PRDM11: variants seen among roughly 807,000 people sequenced by gnomAD.
PRDM11 encodes the protein PR/SET domain 11, also known as PR domain-containing protein 11.
Under a neutral mutation model 97.8 loss-of-function variants are expected in PRDM11, and 20 were observed. The ratio of observed to expected loss-of-function variants is 0.20; its 90% CI spans 0.14 to 0.30. PRDM11 has a LOEUF of 0.30. PRDM11 is among the 10% of genes least tolerant of loss of function. The pLI is 1.00. For missense variants in PRDM11, 1,139 were observed against 1,555.2 expected, an observed-to-expected ratio of 0.73 and a Z score of 4.50; for synonymous variants, 599 against 637.7, an observed-to-expected ratio of 0.94 and a Z score of 0.91.
intron 5 of PRDM11, among the ~76,000 whole-genome samples, chr11:45,218,675 C>T (rs1274606056): frequency 2.0e-5 from 3 of 152,244 alleles, no homozygotes; most frequent in Non-Finnish European, 2.9e-5. Context: ...CTTCACTCCT[C>T]GGCAGGTGTT....
intron 5 of PRDM11, chr11:45,209,052 G>A (rs1355433318): frequency 2.6e-5 from 12 of 456,546 alleles, no homozygotes; most frequent in African/African-American, 4.0e-5. Flanking sequence ...AATCACCTCC[G>A]TCAGCCAGGT....
rs960186959 is a variant in PRDM11, at chr11:45,228,180, C to T, written c.*21C>T. The T allele has an allele frequency of 6.8e-7, 1 of 1,462,756 alleles. No homozygotes were observed. The highest frequency in any genetic ancestry group is 9.0e-7 in the Non-Finnish European group (1 of 1,113,532). 90.6% of individuals were successfully genotyped at this position (1,462,756 alleles called of 1,614,324 possible). A position where few individuals can be genotyped will look rare whatever the true frequency, so the allele number is the denominator to read the frequency against. Reference sequence around the variant, plus strand: ...TTTAGGGAGCTGGCGCTGCAGAGTTCACTAAGCTGTTGAATATTTTTTTAA... The same window carrying T: ...TTTAGGGAGCTGGCGCTGCAGAGTTTACTAAGCTGTTGAATATTTTTTTAA... On this transcript the variant is annotated 3_prime_UTR_variant, in exon 8 of 8. Transcript: ENST00000683152.
At chr11:45,199,291 C>T (rs536648255) in intron 4 of PRDM11, among the ~76,000 whole-genome samples, 15 of 152,308 alleles carry the variant, frequency 9.8e-5, no homozygotes, top group Non-Finnish European at 2.1e-4. Context: ...TTGAACACTC[C>T]CATTAACAGG....
chr11:45,194,242 T>A lies in PRDM11; in HGVS notation c.487-10469T>A, dbSNP rs546212218. Among the ~76,000 whole-genome samples, 6 of 152,334 alleles carry A rather than the reference T, an allele frequency of 3.9e-5. No individual in the cohort carries two copies. The South Asian group carries it at 6.2e-4, about 16-fold the overall frequency. On this transcript the variant is annotated intron_variant, in intron 4 of 7. Transcript: ENST00000683152. ...GAGGATTCCCGCATATTGATTTTTT[T>A]AAATGAAAACATGGAATTAAAAATT...
intron 6 of PRDM11, among the ~76,000 whole-genome samples, chr11:45,221,689 C>A (rs903361592): frequency 6.6e-6 from 1 of 151,916 alleles, no homozygotes; most frequent in Non-Finnish European, 1.5e-5. Flanking sequence ...GGAGATACAC[C>A]GAGACATATG....
In PRDM11 at chr11:45,224,223, A is replaced by G; in HGVS notation, c.749A>G (p.Lys250Arg). ...TIHRNLARGE[K>R]RLQREKSEQV... ...CCCTGGTTTTCCTTCCTAGGAGAGA[A>G]GAGGTTGCAGAGGGAGAAGTCTGAG... Residue 250 changes from lysine (K) to arginine (R), a missense_variant, in exon 7 of 8, where the codon AAG (lysine) becomes AGG (arginine). Lys to Arg is a conservative substitution (Grantham distance 26, BLOSUM62 2). Coordinates refer to ENST00000683152, the MANE Select transcript of PRDM11 (RefSeq NM_001384648.1). The G allele has an allele frequency of 6.3e-7, 1 of 1,579,468 alleles. No individual in the cohort carries two copies. The highest frequency in any genetic ancestry group is 8.6e-7 in the Non-Finnish European group (1 of 1,165,822).
intron 1 of PRDM11, among the ~76,000 whole-genome samples, chr11:45,096,248 T>C (rs1252390094): frequency 6.6e-6 from 1 of 152,230 alleles, no homozygotes; most frequent in Non-Finnish European, 1.5e-5. Context: ...TGGCACATAG[T>C]AAATGCTCAA....
chr11:45,224,786 G>A lies in PRDM11; in HGVS notation c.1312G>A (p.Glu438Lys). ...CATGCTTAAGTCTGGGAAACTTCCT[G>A]AGCCCCCCGTATTGCCACCACAGGT... The part of the protein sequence containing the change: ...LDMLKSGKLP[E>K]PPVLPPQVLE... The change falls in exon 7 of 8, where the codon GAG becomes AAG. Residue 438 changes from glutamate (E) to lysine (K), a missense_variant. By Grantham distance (56) the Glu-to-Lys change is moderately conservative. Around this residue, in one of 2 missense-constraint regions of PRDM11, gnomAD observed 710 missense variants for 1,044.9 expected, o/e 0.68. Coordinates refer to ENST00000683152, the MANE Select transcript of PRDM11 (RefSeq NM_001384648.1). 1 of 1,614,180 alleles carries A rather than the reference G, an allele frequency of 6.2e-7. No homozygotes were observed.
Position 45,166,780 on chromosome 11 carries a change from G to A in PRDM11, c.-6-14981G>A, listed in dbSNP as rs75351041. On this transcript the variant is annotated intron_variant, in intron 1 of 7. Coordinates refer to ENST00000683152, the MANE Select transcript of PRDM11 (RefSeq NM_001384648.1). ...TCCACCTCCTTCCTGGAGGACTTCC[G>A]CCTTCTGAGCTGCACCTGCCTTCCT... Among the ~76,000 whole-genome samples the A allele has an allele frequency of 8.5e-3, 1,293 of 152,302 alleles. 20 individuals are homozygous for A. The highest frequency in any genetic ancestry group is 0.028 in the African/African-American group (1,174 of 41,560).
In PRDM11 at chr11:45,233,241, C is replaced by T. The variant is rs967802497; in HGVS notation, c.*5082C>T. ...GGAGCACGGCCTTCGGAGAGGGAGCCGGGGAAGGCCAGCAGGCAGGGTTGG... is the reference window on the plus strand; with the variant it reads ...GGAGCACGGCCTTCGGAGAGGGAGCTGGGGAAGGCCAGCAGGCAGGGTTGG... On this transcript the variant is annotated 3_prime_UTR_variant, in exon 8 of 8. Coordinates refer to ENST00000683152, the MANE Select transcript of PRDM11 (RefSeq NM_001384648.1). The T allele has an allele frequency of 2.6e-5, 4 of 152,272 alleles. No homozygotes were observed. Among genetic ancestry groups the T allele is most frequent in the African/African-American group, 9.7e-5 (4 of 41,440 alleles). The allele number at this position is 152,272 out of a possible 1,614,324, so 9.4% of individuals were successfully genotyped here. A position where few individuals can be genotyped will look rare whatever the true frequency, so the allele number is the denominator to read the frequency against.
At chr11:45,151,953 C>T (rs1401382861) in intron 1 of PRDM11, among the ~76,000 whole-genome samples, 1 of 152,146 alleles carries the variant, frequency 6.6e-6, no homozygotes, top group Non-Finnish European at 1.5e-5. Context: ...TAATCCTGGT[C>T]CTCGGCATTG....
chr11:45,118,168 G>C (rs1411389334), intron 1 of PRDM11, among the ~76,000 whole-genome samples: 1 of 152,142 alleles, frequency 6.6e-6, no homozygotes, highest in Admixed American at 6.5e-5. Flanking sequence ...GGATCTTAAA[G>C]AGACTTGACA....
chr11:45,185,586 A>G (rs189822803), intron 4 of PRDM11, among the ~76,000 whole-genome samples: 2 of 152,254 alleles, frequency 1.3e-5, no homozygotes, highest in East Asian at 3.9e-4. Context: ...TTGAGTGTAG[A>G]GTAGAGATAA....
chr11:45,151,559 G>A (rs1851660424), intron 1 of PRDM11, among the ~76,000 whole-genome samples: 1 of 152,232 alleles, frequency 6.6e-6, no homozygotes, highest in South Asian at 2.1e-4. Flanking sequence ...GCTGTGCCAG[G>A]CACTGTGCTG....
upstream of PRDM11, among the ~76,000 whole-genome samples, chr11:45,142,654 A>T (rs1334535453): frequency 6.6e-6 from 1 of 152,106 alleles, no homozygotes; most frequent in Non-Finnish European, 1.5e-5. Context: ...TAGAGCAAAA[A>T]ATGGCGATGA....
intron 4 of PRDM11, among the ~76,000 whole-genome samples, chr11:45,183,974 G>A (rs1852612496): frequency 6.6e-6 from 1 of 152,168 alleles, no homozygotes; most frequent in African/African-American, 2.4e-5. Flanking sequence ...ACAAATCCAT[G>A]TCAAATAATA....
chr11:45,153,316 G>A lies in PRDM11; in HGVS notation c.-7+6439G>A, dbSNP rs146717657. On this transcript the variant is annotated intron_variant, in intron 1 of 7. Coordinates refer to ENST00000683152, the MANE Select transcript of PRDM11 (RefSeq NM_001384648.1). ...CCACACTGTTCCCTGGAGAGGGCGT[G>A]GGCCCCAGGTTCAGTCCTGCTTCTG... 1.9e-3 allele frequency among the ~76,000 whole-genome samples: 286 copies of A among 152,374 alleles called. 1 individual carries two copies. The highest frequency in any genetic ancestry group is 0.01 in the Middle Eastern group (3 of 294).
At chr11:45,145,749 C>T (rs548801259), upstream of PRDM11, among the ~76,000 whole-genome samples, 5 of 152,262 alleles carry the variant, frequency 3.3e-5, no homozygotes, top group Admixed American at 3.3e-4. Flanking sequence ...CCTGGTTACG[C>T]CACCCTGCAG....
chr11:45,177,566 C>CT (rs1852359521), intron 1 of PRDM11, among the ~76,000 whole-genome samples: 1 of 152,166 alleles, frequency 6.6e-6, no homozygotes, highest in Non-Finnish European at 1.5e-5. Flanking sequence ...TCCCTATGGC[C>CT]TTTATCACAA....
Sources: allele counts gnomAD v4.1 joint callset (sites outside exome capture counted in the v4.1 genomes callset), GRCh38; gene constraint gnomAD v4.1.1; regional missense constraint gnomAD v4.1.1; transcripts MANE v1.5; gene names NCBI Gene and HGNC (gene_info 2026-07-23, HGNC 2026-07-21).